Variants in ANTXR1 observed in about 807,000 individuals in gnomAD.
The protein encoded by ANTXR1 is ANTXR cell adhesion molecule 1.
In ANTXR1, 19 loss-of-function variants were observed where a neutral mutation model predicts 78.1. That is an observed-to-expected ratio of 0.24 (90% confidence interval 0.17 to 0.36). The LOEUF (loss-of-function observed/expected upper bound fraction) is 0.36. Among genes scored for constraint, ANTXR1 ranks in the 10% least tolerant of loss-of-function variants. The probability of loss-of-function intolerance (pLI) is 1.00; values close to 1 mark genes in which losing one functional copy is unlikely to be tolerated. For synonymous variants in ANTXR1, 273 were observed against 260.5 expected (o/e 1.05, Z -0.46); for missense variants, 518 against 718.6 (o/e 0.72, Z 3.19).
chr2:69,145,707 A>G (rs1673205790), intron 12 of ANTXR1: 2 of 1,092,738 alleles, frequency 1.8e-6, no homozygotes, highest in Non-Finnish European at 2.2e-6. Flanking sequence ...AACTTCCCCC[A>G]GGCTCCCACT....
At position 69,038,708 on chromosome 2, in the gene ANTXR1, G is replaced by A. The variant is rs577976727; in HGVS notation, c.153-1336G>A. Among the ~76,000 whole-genome samples the A allele has an allele frequency of 2.0e-5, 3 of 152,270 alleles. 1 individual carries two copies. In the South Asian group the frequency reaches 6.2e-4, roughly 32 times the overall value. On this transcript the variant is annotated intron_variant, in intron 1 of 17. Coordinates refer to ENST00000303714, the MANE Select transcript of ANTXR1 (RefSeq NM_032208.3). ...GACTATCACTGTAAAAGATGCCTAT[G>A]TACATTCTCTAGAATTGAATGTGAA...
chr2:69,141,649 A>G (rs1673072512), intron 12 of ANTXR1, among the ~76,000 whole-genome samples: 1 of 152,252 alleles, frequency 6.6e-6, no homozygotes, highest in Admixed American at 6.5e-5. Context: ...GGTCTGTTTT[A>G]TGTCTTAATA....
intron 14 of ANTXR1, among the ~76,000 whole-genome samples, chr2:69,172,039 G>A (rs1041482761): frequency 5.3e-5 from 8 of 152,166 alleles, no homozygotes; most frequent in South Asian, 4.1e-4. Context: ...GATAACTCAC[G>A]TGAACACCTG....
intron 10 of ANTXR1, among the ~76,000 whole-genome samples, chr2:69,108,953 G>A (rs1671894499): frequency 6.6e-6 from 1 of 152,130 alleles, no homozygotes; most frequent in African/African-American, 2.4e-5. Context: ...CTTTCTGAGG[G>A]ATATAAAGCA....
chr2:69,118,598 C>T (rs567805420), intron 10 of ANTXR1, among the ~76,000 whole-genome samples: 3 of 152,302 alleles, frequency 2.0e-5, no homozygotes, highest in South Asian at 4.1e-4. Context: ...TAGTGAGCAG[C>T]GAAATGGCCA....
rs9678939 is a variant in ANTXR1, at chr2:69,096,338, G to C, written c.703+5419G>C. On this transcript the variant is annotated intron_variant, in intron 9 of 17. Transcript: ENST00000303714. ...GGAGGAAGGGAGGAAGGGAGGAAGG[G>C]AGGAAGGGAGGAAGGGAGGAAGGGA... Among the ~76,000 whole-genome samples, 16 of 14,842 alleles carry C rather than the reference G, an allele frequency of 1.1e-3. 5 individuals are homozygous for C. The East Asian group carries it at 0.011, about 11-fold the overall frequency. 9.7% of individuals were successfully genotyped at this position (14,842 alleles called of 152,430 possible). A position where few individuals can be genotyped will look rare whatever the true frequency, so the allele number is the denominator to read the frequency against.
chr2:69,143,864 G>T (rs1673143602), intron 12 of ANTXR1, among the ~76,000 whole-genome samples: 1 of 152,154 alleles, frequency 6.6e-6, no homozygotes, highest in Non-Finnish European at 1.5e-5. Flanking sequence ...GGGAGATTGG[G>T]AGAGTCACAG....
chr2:69,075,407 T>C (rs758154970), intron 6 of ANTXR1, among the ~76,000 whole-genome samples, 183 bp from the exon 7 acceptor site: 2 of 152,176 alleles, frequency 1.3e-5, no homozygotes, highest in Non-Finnish European at 2.9e-5. Context: ...ATGTGTTATG[T>C]TAGAATGTGA....
chr2:69,145,807 G>A (rs963439082), intron 12 of ANTXR1: 2 of 989,864 alleles, frequency 2.0e-6, no homozygotes, highest in African/African-American at 3.5e-5. Flanking sequence ...CAGAGGCCTG[G>A]TTCTCTCCCA....
intron 17 of ANTXR1, among the ~76,000 whole-genome samples, chr2:69,204,401 G>A (rs1674846144): frequency 6.6e-6 from 1 of 152,138 alleles, no homozygotes; most frequent in South Asian, 2.1e-4. Flanking sequence ...AGTTGGACTG[G>A]CAGTTCCTCA....
At chr2:69,015,022 C>A (rs894517981) in intron 1 of ANTXR1, among the ~76,000 whole-genome samples, 44 of 151,554 alleles carry the variant, frequency 2.9e-4, no homozygotes, top group African/African-American at 9.9e-4. Flanking sequence ...AGGTGCTCCT[C>A]CTCCGTGCTT....
chr2:69,058,717 T>C lies in ANTXR1; in HGVS notation c.297-11930T>C, dbSNP rs532726432. 1.2e-4 allele frequency among the ~76,000 whole-genome samples: 19 copies of C among 152,332 alleles called. 1 individual carries two copies. The South Asian group carries it at 3.7e-3, about 30-fold the overall frequency. Reference sequence around the variant, plus strand: ...TTTTCAAGTCTTATTATTTAAGAAATGCATGTCTATAGCTGCCATACATAG... The same window carrying C: ...TTTTCAAGTCTTATTATTTAAGAAACGCATGTCTATAGCTGCCATACATAG... On this transcript the variant is annotated intron_variant, in intron 3 of 17. Transcript: ENST00000303714.
intron 17 of ANTXR1, among the ~76,000 whole-genome samples, chr2:69,219,759 G>A (rs1675273024): frequency 1.3e-5 from 2 of 152,092 alleles, no homozygotes; most frequent in African/African-American, 4.8e-5. Context: ...TTTAACAAGT[G>A]GCCCAAGGGA....
At position 69,152,837 on chromosome 2, in the gene ANTXR1, A is replaced by G. The variant is rs6745168; in HGVS notation, c.1047+573A>G. 2.1e-3 allele frequency among the ~76,000 whole-genome samples: 313 copies of G among 152,296 alleles called. 2 individuals are homozygous for G. Among genetic ancestry groups the G allele is most frequent in the African/African-American group, 7.0e-3 (292 of 41,560 alleles). Reference sequence around the variant, plus strand: ...GCTAAGCACTTTGGCTACAAGATCAATAAAAACCTGCCTCCTCCCCATCAG... The same window carrying G: ...GCTAAGCACTTTGGCTACAAGATCAGTAAAAACCTGCCTCCTCCCCATCAG... On this transcript the variant is annotated intron_variant, in intron 13 of 17. Coordinates refer to ENST00000303714, the MANE Select transcript of ANTXR1 (RefSeq NM_032208.3).
At chr2:69,171,252 C>T (rs947704444) in intron 14 of ANTXR1, among the ~76,000 whole-genome samples, 3 of 152,200 alleles carry the variant, frequency 2.0e-5, no homozygotes, top group Admixed American at 1.3e-4. Context: ...CTGAACCATA[C>T]GCATGTAAGC....
chr2:69,156,717 G>A (rs545336952), intron 13 of ANTXR1, among the ~76,000 whole-genome samples: 1 of 152,272 alleles, frequency 6.6e-6, no homozygotes, highest in African/African-American at 2.4e-5. Context: ...TCAACAACCG[G>A]ATCTCAGGAA....
intron 9 of ANTXR1, among the ~76,000 whole-genome samples, chr2:69,102,370 T>C (rs1267896534): frequency 1.3e-5 from 2 of 152,266 alleles, no homozygotes; most frequent in Admixed American, 1.3e-4. Flanking sequence ...AGTGACTTTC[T>C]AAAATGTAGG....
At chr2:69,213,465 C>G (rs1675099069) in intron 17 of ANTXR1, among the ~76,000 whole-genome samples, 1 of 152,182 alleles carries the variant, frequency 6.6e-6, no homozygotes, top group Admixed American at 6.5e-5. Context: ...CTAAAGGGAC[C>G]AGAGCTTCTA....
chr2:69,243,720 A>T (rs1675943828), intron 17 of ANTXR1, among the ~76,000 whole-genome samples: 1 of 152,164 alleles, frequency 6.6e-6, no homozygotes, highest in Non-Finnish European at 1.5e-5. Flanking sequence ...CTGGAAAGGG[A>T]AACTCTGTGC....
Sources: allele counts gnomAD v4.1 joint callset (sites outside exome capture counted in the v4.1 genomes callset), GRCh38; gene constraint gnomAD v4.1.1; transcripts MANE v1.5; gene names NCBI Gene and HGNC (gene_info 2026-07-23, HGNC 2026-07-21).